Variants in ERC2 observed in about 807,000 individuals in gnomAD.
ERC2 encodes ELKS/RAB6-interacting/CAST family member 2.
A neutral mutation model predicts 114.8 loss-of-function variants in ERC2; 42 were observed. That is an observed-to-expected ratio of 0.37 (90% CI 0.29 to 0.47). ERC2 has a LOEUF of 0.47. Ranked by LOEUF, ERC2 falls within the 20% of genes least tolerant of loss-of-function variation. The pLI, the probability that ERC2 is intolerant of heterozygous loss-of-function variation, is 0.99. For synonymous variants in ERC2, 454 were observed against 425.5 expected (o/e 1.07, Z -0.82); for missense variants, 939 against 1,150.7 (o/e 0.82, Z 2.66).
At position 55,857,444 on chromosome 3, in the gene ERC2, A is replaced by G. The variant is rs186075137; in HGVS notation, c.2564+30945T>C. ...ATGTAACACAAAAGTTGTCACTTTA[A>G]CCATTTTTAAATATACAATTCAGTG... On this transcript the variant is annotated intron_variant, in intron 14 of 17. Transcript: ENST00000288221. Among the ~76,000 whole-genome samples, 23 of 152,276 alleles carry G rather than the reference A, an allele frequency of 1.5e-4. No individual in the cohort carries two copies. In the East Asian group the frequency reaches 4.3e-3, roughly 28 times the overall value.
At chr3:55,618,841 C>T (rs1433549202) in intron 17 of ERC2, among the ~76,000 whole-genome samples, 1 of 152,190 alleles carries the variant, frequency 6.6e-6, no homozygotes, top group Non-Finnish European at 1.5e-5. Context: ...CCACCACCAT[C>T]ATTACTGTCC....
intron 10 of ERC2, among the ~76,000 whole-genome samples, chr3:55,993,665 ATAAAC>A (rs1478756292): frequency 1.3e-5 from 2 of 150,178 alleles, no homozygotes; most frequent in Non-Finnish European, 3.0e-5. Context: ...TATTTAAGAA[ATAAAC>A]TCAATTACAC....
chr3:56,400,188 T>C (rs1274681437), intron 2 of ERC2, among the ~76,000 whole-genome samples: 1 of 152,092 alleles, frequency 6.6e-6, no homozygotes, highest in African/African-American at 2.4e-5. Context: ...GACTAAAACA[T>C]TTATGGAGGA....
intron 14 of ERC2, among the ~76,000 whole-genome samples, chr3:55,879,831 T>A (rs2063037271): frequency 6.6e-6 from 1 of 152,178 alleles, no homozygotes; most frequent in Admixed American, 6.6e-5. Context: ...CCCTGCTTGG[T>A]CTTGAAGCTA....
intron 6 of ERC2, among the ~76,000 whole-genome samples, chr3:56,134,924 T>TTTTTTTTG (rs1040312245): frequency 2.0e-5 from 3 of 149,128 alleles, no homozygotes; most frequent in South Asian, 2.1e-4. Flanking sequence ...TTTTTTGTTT[T>TTTTTTTTG]TTTTTGTTTT....
chr3:55,714,683 A>G (rs1307587391), intron 15 of ERC2, among the ~76,000 whole-genome samples: 1,212 of 11,160 alleles, frequency 0.11, 6 homozygotes, highest in African/African-American at 0.21. Context: ...ATATATATAT[A>G]TATATATATA....
chr3:56,040,158 A>G (rs934953792), intron 7 of ERC2, among the ~76,000 whole-genome samples: 1 of 152,200 alleles, frequency 6.6e-6, no homozygotes, highest in Admixed American at 6.5e-5. Context: ...GCATCAAACT[A>G]AAAAGCTTTT....
chr3:56,216,077 A>G (rs2049448354), intron 3 of ERC2, among the ~76,000 whole-genome samples: 1 of 152,216 alleles, frequency 6.6e-6, no homozygotes, highest in Non-Finnish European at 1.5e-5. Context: ...CATCACAATT[A>G]AAAGAACTAG....
chr3:56,115,400 T>C (rs1016585266), intron 6 of ERC2, among the ~76,000 whole-genome samples: 1 of 152,014 alleles, frequency 6.6e-6, no homozygotes, highest in Non-Finnish European at 1.5e-5. Context: ...AACCATAGGG[T>C]TGGTTCCTCT....
At chr3:56,122,399 G>T (rs1164975201) in intron 6 of ERC2, among the ~76,000 whole-genome samples, 1 of 152,176 alleles carries the variant, frequency 6.6e-6, no homozygotes, top group African/African-American at 2.4e-5. Context: ...TGCAACTTCA[G>T]TGTGTTTGGA....
chr3:56,017,417 T>A (rs986791225), intron 8 of ERC2, among the ~76,000 whole-genome samples: 2 of 152,132 alleles, frequency 1.3e-5, no homozygotes, highest in African/African-American at 4.8e-5. Flanking sequence ...TTCAAATTAA[T>A]CCCCTTAAAT....
At chr3:56,441,481 A>G (rs1679339204) in intron 1 of ERC2, among the ~76,000 whole-genome samples, 1 of 152,250 alleles carries the variant, frequency 6.6e-6, no homozygotes, top group Non-Finnish European at 1.5e-5. Flanking sequence ...ATTATTTTTA[A>G]AATGGAAATA....
intron 14 of ERC2, among the ~76,000 whole-genome samples, chr3:55,778,209 GA>G (rs1287755712): frequency 6.6e-6 from 1 of 152,110 alleles, no homozygotes; most frequent in East Asian, 1.9e-4. Context: ...CACAAGATTG[GA>G]AAAATGCAGG....
At chr3:55,695,792 C>T (rs1183802371) in intron 16 of ERC2, among the ~76,000 whole-genome samples, 1 of 152,102 alleles carries the variant, frequency 6.6e-6, no homozygotes, top group African/African-American at 2.4e-5. Flanking sequence ...TCACCTGATA[C>T]TCTGAGAACA....
intron 14 of ERC2, among the ~76,000 whole-genome samples, chr3:55,737,613 G>A (rs2065717340): frequency 6.6e-6 from 1 of 152,106 alleles, no homozygotes; most frequent in Non-Finnish European, 1.5e-5. Context: ...AGGAAAATTG[G>A]GGATTGGAGG....
chr3:56,153,184 G>A (rs1157462806), intron 4 of ERC2, among the ~76,000 whole-genome samples: 1 of 151,972 alleles, frequency 6.6e-6, no homozygotes, highest in African/African-American at 2.4e-5. Flanking sequence ...AATACATAGG[G>A]CACCTATTGG....
chr3:55,779,833 G>T (rs532824852), intron 14 of ERC2, among the ~76,000 whole-genome samples: 1 of 152,112 alleles, frequency 6.6e-6, no homozygotes, highest in African/African-American at 2.4e-5. Flanking sequence ...CATCAGAATC[G>T]TGGGTCTGAT....
intron 2 of ERC2, among the ~76,000 whole-genome samples, chr3:56,367,718 AC>A (rs559625623): frequency 4.5e-4 from 69 of 152,258 alleles, no homozygotes; most frequent in Middle Eastern, 3.4e-3. Context: ...GGGTTACCAA[AC>A]TTTATCAAGC....
At chr3:55,795,772 G>C (rs902050701) in intron 14 of ERC2, among the ~76,000 whole-genome samples, 3 of 152,168 alleles carry the variant, frequency 2.0e-5, no homozygotes, top group African/African-American at 7.2e-5. Context: ...TTGGATAAGT[G>C]ACTTCATTCT....
Sources: gnomAD v4.1 joint callset for allele counts (sites outside exome capture counted in the v4.1 genomes callset) on GRCh38, gnomAD v4.1.1 for gene constraint, MANE v1.5 for transcripts, NCBI Gene and HGNC (gene_info 2026-07-23, HGNC 2026-07-21) for gene names.